The following EXT1 variants were observed in gnomAD, a reference collection of about 807,000 sequenced individuals.
EXT1 encodes the protein exostosin-1.
In EXT1, 20 loss-of-function variants were observed where a neutral mutation model predicts 82.5. The ratio of observed to expected loss-of-function variants is 0.24; its 90% CI spans 0.17 to 0.35. The LOEUF (loss-of-function observed/expected upper bound fraction) is 0.35. EXT1 is among the 10% of genes least tolerant of loss of function. EXT1 has a pLI of 1.00. For synonymous variants in EXT1, 348 were observed against 350.8 expected (o/e 0.99, Z 0.09); for missense variants, 757 against 936.5 (o/e 0.81, Z 2.50).
At chr8:117,858,480 T>G (rs1035479601) in intron 1 of EXT1, among the ~76,000 whole-genome samples, 2 of 152,028 alleles carry the variant, frequency 1.3e-5, no homozygotes, top group African/African-American at 2.4e-5. Context: ...AAGATCAGCC[T>G]GGCCAGCATG....
intron 1 of EXT1, among the ~76,000 whole-genome samples, chr8:117,906,231 A>G (rs7831208): frequency 0.94 from 143,723 of 152,270 alleles, 68,213 homozygotes; most frequent in Non-Finnish European, 1. Flanking sequence ...CACAAGGCAA[A>G]TGCTCAAATT....
At chr8:117,868,778 C>T (rs1033408616) in intron 1 of EXT1, among the ~76,000 whole-genome samples, 6 of 152,084 alleles carry the variant, frequency 3.9e-5, no homozygotes, top group East Asian at 1.9e-4. Context: ...TAGGTAGAGG[C>T]TATATATATT....
At position 117,794,679 on chromosome 8, in the gene EXT1, C is replaced by G. The variant is rs1748666555; in HGVS notation, c.*5033G>C. 6.6e-6 allele frequency: 1 copy of G among 152,138 alleles called. No individual in the cohort carries two copies. The highest frequency in any genetic ancestry group is 2.4e-5 in the African/African-American group (1 of 41,426). The allele number at this position is 152,138 out of a possible 1,614,324, so 9.4% of individuals were successfully genotyped here. ...ATTTTCTCACACGCGCTCTCTCACA[C>G]ATACTTGAGGGCTTAATTACGCTAA... On this transcript the variant is annotated 3_prime_UTR_variant, in exon 11 of 11. Coordinates refer to ENST00000378204, the MANE Select transcript of EXT1 (RefSeq NM_000127.3).
chr8:117,967,618 G>A (rs1255387324), intron 1 of EXT1, among the ~76,000 whole-genome samples: 1 of 152,082 alleles, frequency 6.6e-6, no homozygotes, highest in Non-Finnish European at 1.5e-5. Context: ...AATTCCAAAG[G>A]CCCAAAGTCA....
At chr8:117,932,018 T>C (rs1273330052) in intron 1 of EXT1, among the ~76,000 whole-genome samples, 1 of 152,214 alleles carries the variant, frequency 6.6e-6, no homozygotes, top group South Asian at 2.1e-4. Flanking sequence ...ATGTAACTTA[T>C]TATGCACAAA....
chr8:118,056,681 G>C (rs547592142), intron 1 of EXT1, among the ~76,000 whole-genome samples: 1 of 152,150 alleles, frequency 6.6e-6, no homozygotes, highest in African/African-American at 2.4e-5. Context: ...GTGCTGGGGG[G>C]TCCTCTGGCC....
chr8:117,801,921 AT>A (rs971679436), intron 10 of EXT1, among the ~76,000 whole-genome samples: 25 of 152,276 alleles, frequency 1.6e-4, no homozygotes, highest in African/African-American at 5.5e-4. Context: ...TATTCAAAAA[AT>A]TTTTTTTAAA....
chr8:118,074,386 G>A (rs928813585), intron 1 of EXT1, among the ~76,000 whole-genome samples: 2 of 152,204 alleles, frequency 1.3e-5, no homozygotes, highest in African/African-American at 4.8e-5. Context: ...CTCCAGCTAA[G>A]TTGCAGGGAA....
chr8:118,047,327 A>C (rs901169923), intron 1 of EXT1, among the ~76,000 whole-genome samples: 25 of 152,140 alleles, frequency 1.6e-4, no homozygotes, highest in African/African-American at 6.0e-4. Context: ...CTTACTAGCT[A>C]TGTGACCTTG....
intron 4 of EXT1, among the ~76,000 whole-genome samples, chr8:117,823,678 T>C (rs1811961199): frequency 6.6e-6 from 1 of 152,186 alleles, no homozygotes; most frequent in South Asian, 2.1e-4. Flanking sequence ...ACATGGTGAC[T>C]AGATAAGTAA....
chr8:118,019,692 T>C lies in EXT1; in HGVS notation c.962+90393A>G, dbSNP rs28357303. On this transcript the variant is annotated intron_variant, in intron 1 of 10. Coordinates refer to ENST00000378204, the MANE Select transcript of EXT1 (RefSeq NM_000127.3). ...TGAACAGAATGAAGTTTTCTGTGTG[T>C]CACACACAATTTTAAGCACTCGCTA... Among the ~76,000 whole-genome samples the C allele has an allele frequency of 2.2e-3, 336 of 152,350 alleles. 14 individuals are homozygous for C. The East Asian group carries it at 0.059, about 27-fold the overall frequency.
intron 1 of EXT1, among the ~76,000 whole-genome samples, chr8:118,062,620 G>T (rs576169666): frequency 6.6e-6 from 1 of 152,174 alleles, no homozygotes; most frequent in Admixed American, 6.5e-5. Flanking sequence ...TATTCACAAG[G>T]AACAGTAGTG....
chr8:118,022,304 C>T (rs1586348140), intron 1 of EXT1, among the ~76,000 whole-genome samples: 3 of 139,474 alleles, frequency 2.2e-5, no homozygotes, highest in South Asian at 2.3e-4. Context: ...AAAAGATATA[C>T]TTGGCCGGGC....
intron 9 of EXT1, among the ~76,000 whole-genome samples, chr8:117,805,848 A>G (rs1320809719): frequency 6.6e-6 from 1 of 152,208 alleles, no homozygotes; most frequent in Non-Finnish European, 1.5e-5. Context: ...CCCTGGCTTT[A>G]AAGACCAAAT....
chr8:118,096,660 AAGGAAGGAAGGAAGGGAGGGAGGGAGGG>A (rs1817621305), intron 1 of EXT1, among the ~76,000 whole-genome samples: 3 of 90,086 alleles, frequency 3.3e-5, no homozygotes, highest in Admixed American at 1.3e-4. Context: ...GGAAGGAAGG[AAGGAAGGAAGGAAGGGAGGGAGGGAGGG>A]AGGGAAGGAG....
At chr8:117,897,199 C>T (rs1813355890) in intron 1 of EXT1, among the ~76,000 whole-genome samples, 1 of 152,228 alleles carries the variant, frequency 6.6e-6, no homozygotes, top group African/African-American at 2.4e-5. Flanking sequence ...GCTTTATCCC[C>T]TGTAACCTAG....
intron 1 of EXT1, among the ~76,000 whole-genome samples, chr8:118,025,139 G>C (rs1816179763): frequency 6.6e-6 from 1 of 152,122 alleles, no homozygotes; most frequent in African/African-American, 2.4e-5. Flanking sequence ...GGTCAGAGTG[G>C]GAAGGGACAG....
At chr8:117,983,216 A>T (rs1438167075) in intron 1 of EXT1, among the ~76,000 whole-genome samples, 2 of 152,134 alleles carry the variant, frequency 1.3e-5, no homozygotes, top group African/African-American at 4.8e-5. Context: ...AGGCATTGTG[A>T]CTCACACCTG....
chr8:117,936,901 CAAATAAAT>C (rs199885796), intron 1 of EXT1, among the ~76,000 whole-genome samples: 1 of 151,918 alleles, frequency 6.6e-6, no homozygotes, highest in Non-Finnish European at 1.5e-5. Context: ...AACAAACAAA[CAAATAAAT>C]AAATAAATAA....
Sources: gnomAD v4.1 joint callset for allele counts (sites outside exome capture counted in the v4.1 genomes callset) on GRCh38, gnomAD v4.1.1 for gene constraint, MANE v1.5 for transcripts, NCBI Gene and HGNC (gene_info 2026-07-23, HGNC 2026-07-21) for gene names.